The following OLFM2 variants were observed in gnomAD, a reference collection of about 807,000 sequenced individuals.
OLFM2 encodes noelin-2.
Under a neutral mutation model 43.9 loss-of-function variants are expected in OLFM2, and 20 were observed. That is an observed-to-expected ratio of 0.46 (90% CI 0.32 to 0.66). OLFM2 has a LOEUF of 0.66. Among genes scored for constraint, OLFM2 ranks in the 30% least tolerant of loss-of-function variants. OLFM2 has a pLI of 0.04. For missense variants in OLFM2, 416 were observed against 643.6 expected (o/e 0.65, Z 3.83); for synonymous variants, 268 against 278.6 (o/e 0.96, Z 0.38).
At chr19:9,932,053 C>G (rs1056959449) in intron 1 of OLFM2, among the ~76,000 whole-genome samples, 1 of 152,174 alleles carries the variant, frequency 6.6e-6, no homozygotes, top group Non-Finnish European at 1.5e-5. Context: ...AGGCTCTGCT[C>G]TAGACACTGG....
chr19:9,866,047 A>G (rs2046400345), intron 1 of OLFM2, among the ~76,000 whole-genome samples: 1 of 152,210 alleles, frequency 6.6e-6, no homozygotes, highest in Admixed American at 6.5e-5. Flanking sequence ...ATTGAATTGT[A>G]AAAGAGAAGC....
rs771083421 is a variant in OLFM2 at position 9,857,704 on chromosome 19, G to A, written c.360+11C>T. The A allele has an allele frequency of 6.2e-7, 1 of 1,614,172 alleles. No individual in the cohort carries two copies. The highest frequency in any genetic ancestry group is 8.5e-7 in the Non-Finnish European group (1 of 1,180,040). ...TTGTTTGACCTCTGGTCTGGACACA[G>A]GAGGACCCACCTGGAAGCTCTTGGC... is the stretch of plus-strand genomic sequence containing the variant. On this transcript the variant is annotated intron_variant, in intron 3 of 5. Coordinates refer to ENST00000264833, the MANE Select transcript of OLFM2 (RefSeq NM_058164.4). This position sits in a 1 kb window ranked among gnomAD's most constrained non-coding sequence, Gnocchi z 5.7.
At chr19:9,888,793 A>G (rs765090160) in intron 1 of OLFM2, among the ~76,000 whole-genome samples, 11 of 152,016 alleles carry the variant, frequency 7.2e-5, no homozygotes, top group South Asian at 2.1e-4. Context: ...TCTGCCGGGC[A>G]CGGTGGCTCA....
intron 1 of OLFM2, among the ~76,000 whole-genome samples, chr19:9,875,895 T>C (rs1198378560): frequency 1.3e-5 from 2 of 152,208 alleles, no homozygotes; most frequent in Non-Finnish European, 2.9e-5. Flanking sequence ...ACAGAGCATG[T>C]CCCTTTTCTA....
Position 9,856,023 on chromosome 19 carries a change from CCT to C in OLFM2, c.687+782_687+783del, listed in dbSNP as rs547238199. Among the ~76,000 whole-genome samples, 184 of 152,246 alleles carry C rather than the reference CCT, an allele frequency of 1.2e-3. 1 individual carries two copies. The highest frequency in any genetic ancestry group is 4.1e-3 in the African/African-American group (170 of 41,520). ...AATTCACTGCCATGGTTAACTAACCCCTGTCACCATGAGGTGACCAGGCGTGT... is the reference window on the plus strand; with the variant it reads ...AATTCACTGCCATGGTTAACTAACCCGTCACCATGAGGTGACCAGGCGTGT... On this transcript the variant is annotated intron_variant, in intron 5 of 5. Coordinates refer to ENST00000264833, the MANE Select transcript of OLFM2 (RefSeq NM_058164.4). This position sits in a 1 kb window ranked among gnomAD's most constrained non-coding sequence, Gnocchi z 4.0.
At chr19:9,926,880 G>A (rs58654410) in intron 1 of OLFM2, among the ~76,000 whole-genome samples, 2 of 152,148 alleles carry the variant, frequency 1.3e-5, no homozygotes, top group Non-Finnish European at 2.9e-5. Flanking sequence ...AGTGACTCAG[G>A]TGGCTGAGGT....
chr19:9,878,073 ACTCCTGGG>A (rs780267819), intron 1 of OLFM2, among the ~76,000 whole-genome samples: 31 of 151,256 alleles, frequency 2.0e-4, no homozygotes, highest in Non-Finnish European at 7.4e-5. Flanking sequence ...TGGGTCTTGA[ACTCCTGGG>A]CTCAAGCAAC....
At chr19:9,920,290 G>A (rs1175065215) in intron 1 of OLFM2, among the ~76,000 whole-genome samples, 1 of 151,884 alleles carries the variant, frequency 6.6e-6, no homozygotes, top group Admixed American at 6.6e-5. Context: ...ACAAAAGGGG[G>A]AGGCATTTTT....
intron 1 of OLFM2, among the ~76,000 whole-genome samples, chr19:9,888,589 C>T (rs552968045): frequency 2.0e-5 from 3 of 151,798 alleles, no homozygotes; most frequent in South Asian, 2.1e-4. Context: ...GCCCCAGCAC[C>T]CCCCATCCAC....
intron 1 of OLFM2, among the ~76,000 whole-genome samples, chr19:9,880,014 T>A (rs1288317755): frequency 1.3e-5 from 2 of 152,140 alleles, no homozygotes. Context: ...TGACCTCAGG[T>A]GATCTGCCCA....
chr19:9,912,221 G>A (rs540910788), intron 1 of OLFM2, among the ~76,000 whole-genome samples: 1 of 152,136 alleles, frequency 6.6e-6, no homozygotes, highest in Non-Finnish European at 1.5e-5. Flanking sequence ...TGGCTGCCAA[G>A]TCTAAGAATC....
intron 1 of OLFM2, among the ~76,000 whole-genome samples, chr19:9,920,741 C>CAAAAAAAAAA (rs557455889): frequency 4.7e-5 from 6 of 126,618 alleles, no homozygotes; most frequent in African/African-American, 1.4e-4. Context: ...ACTAAACATA[C>CAAAAAAAAAA]AAAAAAAAAA....
At chr19:9,910,115 T>C (rs986514639) in intron 1 of OLFM2, among the ~76,000 whole-genome samples, 1 of 152,120 alleles carries the variant, frequency 6.6e-6, no homozygotes, top group African/African-American at 2.4e-5. Flanking sequence ...GACAGGAGAA[T>C]GACTTGAGCC....
At chr19:9,903,449 A>G (rs1238755228) in intron 1 of OLFM2, among the ~76,000 whole-genome samples, 1 of 152,108 alleles carries the variant, frequency 6.6e-6, no homozygotes, top group Non-Finnish European at 1.5e-5. Context: ...TCAAGTAACA[A>G]CTGTGCCCTT....
At chr19:9,913,539 G>T in intron 1 of OLFM2, 1 of 1,222,054 alleles carries the variant, frequency 8.2e-7, no homozygotes. Flanking sequence ...ACGAGCGAGG[G>T]CAGCGTCTGC....
intron 1 of OLFM2, among the ~76,000 whole-genome samples, chr19:9,892,465 C>G (rs112361279): frequency 0.04 from 6,115 of 152,240 alleles, 397 homozygotes; most frequent in African/African-American, 0.14. Context: ...AATCCCAGCA[C>G]TTTGGGAGGC....
rs747631980 is a variant in OLFM2 at position 9,854,162 on chromosome 19, AGC to A, written c.*22_*23del. 6.2e-7 allele frequency: 1 copy of A among 1,612,680 alleles called. No homozygotes were observed. Among genetic ancestry groups the A allele is most frequent in the Non-Finnish European group, 8.5e-7 (1 of 1,178,866 alleles). On this transcript the variant is annotated 3_prime_UTR_variant, in exon 6 of 6. Coordinates refer to ENST00000264833, the MANE Select transcript of OLFM2 (RefSeq NM_058164.4). This position sits in a 1 kb window ranked among gnomAD's most constrained non-coding sequence, Gnocchi z 9.5. Reference sequence around the variant, plus strand: ...CCCAGCCCCCAGAGGCCCCCCAGGCAGCAGCCCGAGCCACAGCATTGGCTCAG... The same window carrying A: ...CCCAGCCCCCAGAGGCCCCCCAGGCAAGCCCGAGCCACAGCATTGGCTCAG...
At chr19:9,882,109 C>G (rs1281210308) in intron 1 of OLFM2, among the ~76,000 whole-genome samples, 6 of 151,850 alleles carry the variant, frequency 4.0e-5, no homozygotes, top group Non-Finnish European at 5.9e-5. Flanking sequence ...TGTGGTGGCT[C>G]GCACCACTAA....
At chr19:9,875,529 G>A (rs373685947) in intron 1 of OLFM2, among the ~76,000 whole-genome samples, 17 of 52,676 alleles carry the variant, frequency 3.2e-4, no homozygotes, top group Non-Finnish European at 8.1e-4. Context: ...TTTTTTTTTT[G>A]AGACAGGCTG....
Sources: gnomAD v4.1 joint callset for allele counts (sites outside exome capture counted in the v4.1 genomes callset) on GRCh38, gnomAD v4.1.1 for gene constraint, Gnocchi (gnomAD v3.1) non-coding constraint, MANE v1.5 for transcripts, NCBI Gene and HGNC (gene_info 2026-07-23, HGNC 2026-07-21) for gene names.